Variants in RHBDD1 observed in about 807,000 individuals in gnomAD.
The protein encoded by RHBDD1 is rhomboid-related protein 4.
Under a neutral mutation model 36.3 loss-of-function variants are expected in RHBDD1, and 38 were observed. The ratio of observed to expected loss-of-function variants is 1.05; its 90% CI spans 0.81 to 1.37. The LOEUF (loss-of-function observed/expected upper bound fraction) is 1.37, where lower values mean the gene tolerates loss of function less well. Ranked by LOEUF, RHBDD1 falls within the 40% of genes most tolerant of loss-of-function variation. The pLI, the probability that RHBDD1 is intolerant of heterozygous loss-of-function variation, is 0.00. For synonymous variants in RHBDD1, 151 were observed against 136.5 expected, an observed-to-expected ratio of 1.11 and a Z score of -0.74; for missense variants, 393 against 377.6, an observed-to-expected ratio of 1.04 and a Z score of -0.34.
intron 8 of RHBDD1, among the ~76,000 whole-genome samples, chr2:226,995,210 A>G (rs1959128710): frequency 6.6e-6 from 1 of 152,236 alleles, no homozygotes; most frequent in Non-Finnish European, 1.5e-5. Context: ...GAAGCCTCAA[A>G]ATGAGTCAAA....
At position 226,995,630 on chromosome 2, in the gene RHBDD1, C is replaced by T. The variant is rs1432118306; in HGVS notation, c.*108C>T. 4 of 782,040 alleles carry T rather than the reference C, an allele frequency of 5.1e-6. No homozygotes were observed. The highest frequency in any genetic ancestry group is 1.7e-5 in the African/African-American group (1 of 57,910). The allele number at this position is 782,040 out of a possible 1,614,324, so 48.4% of individuals were successfully genotyped here. ...TCATTTTAAACAAAAGCAGAGTACA[C>T]CGGTATTGCTCCAGATCGCTCACAT... On this transcript the variant is annotated 3_prime_UTR_variant, in exon 9 of 9. Coordinates refer to ENST00000392062, the MANE Select transcript of RHBDD1 (RefSeq NM_001167608.3).
intron 7 of RHBDD1, among the ~76,000 whole-genome samples, chr2:226,912,192 A>G (rs911987063): frequency 1.3e-5 from 2 of 152,190 alleles, no homozygotes; most frequent in African/African-American, 4.8e-5. Context: ...GTGAATAAAA[A>G]GGCAAATAAT....
intron 6 of RHBDD1, 128 bp downstream of exon 6, chr2:226,907,009 T>C: frequency 1.0e-6 from 1 of 959,712 alleles, no homozygotes. Flanking sequence ...TGTTTTTCTT[T>C]TTAAACCGAA....
chr2:226,847,147 A>T (rs1942311639), intron 3 of RHBDD1, among the ~76,000 whole-genome samples: 1 of 152,216 alleles, frequency 6.6e-6, no homozygotes, highest in South Asian at 2.1e-4. Flanking sequence ...CATGCATCAA[A>T]AGTGAAATTT....
the RHBDD1 span, among the ~76,000 whole-genome samples, chr2:226,829,006 T>C: frequency 3.5e-4 from 53 of 152,322 alleles, 1 homozygote; most frequent in African/African-American, 1.0e-3. Flanking sequence ...TGATTTTTTC[T>C]AGAAATTTTA....
intron 5 of RHBDD1, among the ~76,000 whole-genome samples, chr2:226,898,367 TC>T (rs1261560695): frequency 1.1e-4 from 16 of 152,336 alleles, no homozygotes; most frequent in African/African-American, 3.8e-4. Context: ...TTGTCCAGAT[TC>T]TTTTTGTCTG....
chr2:226,982,590 G>A (rs1956018138), intron 8 of RHBDD1, among the ~76,000 whole-genome samples: 2 of 152,198 alleles, frequency 1.3e-5, no homozygotes, highest in Admixed American at 1.3e-4. Flanking sequence ...CCCAGGCAAA[G>A]CTTGTGAATT....
chr2:226,989,940 A>G (rs573057064), intron 8 of RHBDD1, among the ~76,000 whole-genome samples: 197 of 152,286 alleles, frequency 1.3e-3, no homozygotes, highest in Non-Finnish European at 1.8e-3. Context: ...GCATTAGGGA[A>G]TCTCCACTGT....
At position 226,914,350 on chromosome 2, in the gene RHBDD1, A is replaced by T. The variant is rs34531133; in HGVS notation, c.855A>T (p.Arg285=). 1 of 1,612,822 alleles carries T rather than the reference A, an allele frequency of 6.2e-7. No homozygotes were observed. The highest frequency in any genetic ancestry group is 1.7e-5 in the Admixed American group (1 of 59,826). ...ERALQASLWD[R]GNTRNSPPPY... ...CATTACAAGCCAGCCTCTGGGACCG[A>T]GGTAGGAGTCTTGCGCCCTTCAGTT... The change falls in exon 8 of 9, where the codon CGA becomes CGT. Residue 285 remains arginine (R), a splice_region_variant and synonymous_variant. Transcript: ENST00000392062.
chr2:226,864,692 C>T lies in RHBDD1; in HGVS notation c.-2C>T. On this transcript the variant is annotated 5_prime_UTR_variant, in exon 4 of 9. Transcript: ENST00000392062. The stretch of plus-strand genomic sequence containing the variant: ...GCTGAGCTGTTTCCCTGATATCTGG[C>T]CATGCAACGGAGATCAAGAGGGATA... The T allele has an allele frequency of 1.2e-6, 2 of 1,610,444 alleles. No individual in the cohort carries two copies. Among genetic ancestry groups the T allele is most frequent in the Non-Finnish European group, 1.7e-6 (2 of 1,177,552 alleles).
At chr2:226,973,419 GTGTT>G (rs1316712909) in intron 8 of RHBDD1, among the ~76,000 whole-genome samples, 1 of 152,232 alleles carries the variant, frequency 6.6e-6, no homozygotes, top group African/African-American at 2.4e-5. Context: ...TGGGAAGTGA[GTGTT>G]TGCCTGTTCC....
chr2:226,812,083 A>T, the RHBDD1 span, among the ~76,000 whole-genome samples: 1 of 152,216 alleles, frequency 6.6e-6, no homozygotes, highest in Non-Finnish European at 1.5e-5. Context: ...TCCTCAAGCT[A>T]GTTTCATTTG....
chr2:226,985,380 A>G (rs1263885067), intron 8 of RHBDD1, among the ~76,000 whole-genome samples: 2 of 152,248 alleles, frequency 1.3e-5, no homozygotes, highest in African/African-American at 2.4e-5. Flanking sequence ...AAACAACTCC[A>G]TAATATTCAA....
intron 8 of RHBDD1, among the ~76,000 whole-genome samples, chr2:226,975,525 G>A (rs1954416728): frequency 6.6e-6 from 1 of 152,094 alleles, no homozygotes; most frequent in Admixed American, 6.5e-5. Context: ...CAGAAGCCAG[G>A]CCAGTCCTAC....
At chr2:226,983,045 C>G (rs1240479225) in intron 8 of RHBDD1, among the ~76,000 whole-genome samples, 1 of 152,234 alleles carries the variant, frequency 6.6e-6, no homozygotes, top group Non-Finnish European at 1.5e-5. Context: ...CAGAAACCTA[C>G]TTGTACTAAA....
the RHBDD1 span, among the ~76,000 whole-genome samples, chr2:226,822,996 T>A: frequency 6.6e-6 from 1 of 152,068 alleles, no homozygotes; most frequent in Non-Finnish European, 1.5e-5. Flanking sequence ...CATGGTGGTG[T>A]GTGCCTGTCA....
intron 8 of RHBDD1, among the ~76,000 whole-genome samples, chr2:226,978,659 C>T (rs550829028): frequency 1.8e-4 from 28 of 152,284 alleles, no homozygotes; most frequent in African/African-American, 5.1e-4. Flanking sequence ...GAGCTCACAA[C>T]GCAGTGAGAA....
intron 8 of RHBDD1, among the ~76,000 whole-genome samples, chr2:226,916,187 G>A (rs1468651428): frequency 6.6e-6 from 1 of 152,226 alleles, no homozygotes; most frequent in African/African-American, 2.4e-5. Context: ...GACCAGCTCA[G>A]ATTCATGGGA....
chr2:226,941,168 G>A (rs896627594), intron 8 of RHBDD1, among the ~76,000 whole-genome samples: 11 of 152,090 alleles, frequency 7.2e-5, no homozygotes, highest in Non-Finnish European at 1.2e-4. Context: ...TGGGGTTTCT[G>A]TTGGCCAGGC....
Sources: gnomAD v4.1 joint callset for allele counts (sites outside exome capture counted in the v4.1 genomes callset) on GRCh38, gnomAD v4.1.1 for gene constraint, MANE v1.5 for transcripts, NCBI Gene and HGNC (gene_info 2026-07-23, HGNC 2026-07-21) for gene names.